The following G6PD variants were observed in gnomAD, a reference collection of about 807,000 sequenced individuals.
G6PD encodes the protein glucose-6-phosphate dehydrogenase.
In G6PD, 2 loss-of-function variants were observed where a neutral mutation model predicts 38.2. The observed-to-expected ratio is 0.05, with a 90% CI of 0.02 to 0.16. G6PD has a LOEUF of 0.16. Ranked by LOEUF, G6PD falls within the 10% of genes least tolerant of loss-of-function variation. The pLI is 1.00. For synonymous variants in G6PD, 188 were observed against 196.0 expected, an observed-to-expected ratio of 0.96 and a Z score of 0.34; for missense variants, 310 against 471.6, an observed-to-expected ratio of 0.66 and a Z score of 3.17.
chrX:154,533,331 C>G, intron 8 of G6PD: 1 of 501,449 alleles, frequency 2.0e-6, no homozygotes, highest in East Asian at 3.6e-5. Context: ...TTCTGATGAA[C>G]AAGCTGAGGC....
Position 154,532,719 on chromosome X carries a change from C to T in G6PD, c.1135G>A (p.Asp379Asn). Residue 379 changes from aspartate (D) to asparagine (N), a missense_variant, in exon 10 of 13, where the codon GAC (aspartate) becomes AAC (asparagine). Asp to Asn is a conservative substitution (Grantham distance 23, BLOSUM62 1). Around this residue, in one of 4 missense-constraint regions of G6PD, gnomAD observed 168 missense variants for 309.2 expected, o/e 0.54. Transcript: ENST00000393562. ...VRLQFHDVAG[D>N]IFHQQCKRNE... ...CGCTTGCACTGCTGGTGGAAGATGTCGCCGGCCACATCATGGAACTGCAGC... is the reference window on the plus strand; with the variant it reads ...CGCTTGCACTGCTGGTGGAAGATGTTGCCGGCCACATCATGGAACTGCAGC... The T allele has an allele frequency of 3.3e-6, 4 of 1,212,019 alleles. No individual in the cohort carries two copies. Among genetic ancestry groups the T allele is most frequent in the Non-Finnish European group, 4.5e-6 (4 of 895,494 alleles).
chrX:154,534,151 G>A lies in G6PD; in HGVS notation c.654C>T (p.Asn218=), dbSNP rs1557230228. Residue 218 remains asparagine, a synonymous_variant, in exon 7 of 13, where the codon AAC becomes AAT. Coordinates refer to ENST00000393562, the MANE Select transcript of G6PD (RefSeq NM_001360016.2). ...VQNLMVLRFA[N]RIFGPIWNRD... is the part of the protein sequence containing the mutation. ...GGTTCCAGATGGGGCCGAAGATCCT[G>A]TTGGCAAATCTGCAGGGAGGGGCAA... is the stretch of plus-strand genomic sequence containing the variant. 1.6e-6 allele frequency: 2 copies of A among 1,212,219 alleles called. No homozygotes were observed. The highest frequency in any genetic ancestry group is 2.2e-5 in the Admixed American group (1 of 46,117).
rs1279844136 is a variant in G6PD, at chrX:154,534,329, T to C, written c.644+9A>G. 8.3e-7 allele frequency: 1 copy of C among 1,209,224 alleles called. No individual in the cohort carries two copies. The highest frequency in any genetic ancestry group is 1.1e-6 in the Non-Finnish European group (1 of 894,696). The stretch of plus-strand genomic sequence containing the variant: ...CCACCCTGGTCCCCCGGCCCAGGCT[T>C]GGCCCCACCTCAGCACCATGAGGTT... On this transcript the variant is annotated intron_variant, in intron 6 of 12. Transcript: ENST00000393562.
intron 8 of G6PD, 62 bp from the exon 9 acceptor site, chrX:154,533,190 C>G: frequency 3.5e-6 from 4 of 1,134,220 alleles, no homozygotes; most frequent in Non-Finnish European, 4.8e-6. Flanking sequence ...GCAGGGATGA[C>G]TGTGGCCACA....
rs781829860 is a variant in G6PD, at chrX:154,532,208, G to A, written c.1437C>T (p.Pro479=). ...CTCACCTGCCATAAATATAGGGGAT[G>A]GGCTTGGGCTTCTCCAGCTCAATCT... The part of the protein sequence containing the change: ...LHQIELEKPK[P]IPYIYGSRGP... The change falls in exon 12 of 13, where the codon CCC becomes CCT. Residue 479 remains proline (P), a synonymous_variant. Transcript: ENST00000393562. 2.5e-6 allele frequency: 3 copies of A among 1,209,256 alleles called. No individual in the cohort carries two copies. The highest frequency in any genetic ancestry group is 5.9e-5 in the East Asian group (2 of 33,734).
At position 154,546,783 on chromosome X, in the gene G6PD, G is replaced by A. The variant is rs782232679; in HGVS notation, c.-9+6C>T. The A allele has an allele frequency of 1.9e-5, 22 of 1,156,157 alleles. No individual in the cohort carries two copies. Among genetic ancestry groups the A allele is most frequent in the Non-Finnish European group, 2.1e-5 (18 of 869,073 alleles). On this transcript the variant is annotated splice_donor_region_variant and intron_variant, in intron 1 of 12. Transcript: ENST00000393562. ...CCGCCTGCGCGGCGCCCGCCCGGCC[G>A]GTTACCTGCGCTTCGTCGTCGTCGC... is the stretch of plus-strand genomic sequence containing the variant.
At chrX:154,539,029 T>C (rs982645493) in intron 2 of G6PD, among the ~76,000 whole-genome samples, 20 of 111,234 alleles carry the variant, frequency 1.8e-4, no homozygotes, top group African/African-American at 4.9e-4. Flanking sequence ...ATATTAATCA[T>C]CCCTTTAAGC....
chrX:154,532,705 C>T lies in G6PD; in HGVS notation c.1149G>A (p.Gln383=). Residue 383 remains glutamine, a synonymous_variant, in exon 10 of 13, where the codon CAG becomes CAA. Transcript: ENST00000393562. The part of the protein sequence containing the change: ...FHDVAGDIFH[Q]QCKRNELVIR... ...TCACCAGCTCGTTGCGCTTGCACTG[C>T]TGGTGGAAGATGTCGCCGGCCACAT... 1.6e-6 allele frequency: 2 copies of T among 1,212,389 alleles called. No individual in the cohort carries two copies. The highest frequency in any genetic ancestry group is 3.0e-5 in the East Asian group (1 of 33,880).
intron 2 of G6PD, among the ~76,000 whole-genome samples, chrX:154,543,050 A>G (rs1445359776): frequency 1.8e-5 from 2 of 111,839 alleles, no homozygotes; most frequent in African/African-American, 6.5e-5. Flanking sequence ...TACCTCCCGC[A>G]CCGAGTGAGG....
rs781942836 is a variant in G6PD, at chrX:154,532,288, G to T, written c.1365-8C>A. 1.7e-6 allele frequency: 2 copies of T among 1,211,120 alleles called. No individual in the cohort carries two copies. The highest frequency in any genetic ancestry group is 1.8e-5 in the South Asian group (1 of 56,988). ...GCCTCACGGAGCTCGTCGCTGAGGG[G>T]ACATGGTATGGCTTGGGAGGCCGGT... On this transcript the variant is annotated splice_region_variant and splice_polypyrimidine_tract_variant and intron_variant, in intron 11 of 12. Transcript: ENST00000393562.
chrX:154,536,135 A>G lies in G6PD; in HGVS notation c.158+6T>C. 8.3e-7 allele frequency: 1 copy of G among 1,211,525 alleles called. No homozygotes were observed. The highest frequency in any genetic ancestry group is 1.8e-5 in the South Asian group (1 of 57,004). On this transcript the variant is annotated splice_donor_region_variant and intron_variant, in intron 3 of 12. Coordinates refer to ENST00000393562, the MANE Select transcript of G6PD (RefSeq NM_001360016.2). ...GGTCACAGGGGCAGTGGTGGGACAC[A>G]CTTACCAGATGGTGGGGTAGATCTT...
intron 7 of G6PD, 118 bp from the exon 8 acceptor site, chrX:154,533,787 C>T (rs782734720): frequency 8.5e-7 from 1 of 1,178,995 alleles, no homozygotes; most frequent in African/African-American, 1.8e-5. Context: ...ACTTCCTGAT[C>T]CCCCTTGTCT....
intron 1 of G6PD, 100 bp downstream of exon 1, chrX:154,546,689 C>T (rs1275305729): frequency 7.1e-6 from 5 of 708,345 alleles, no homozygotes; most frequent in Non-Finnish European, 8.3e-6. Flanking sequence ...CGATTCTGCT[C>T]GGTTCTCAAG....
chrX:154,533,871 G>C, intron 7 of G6PD, 164 bp downstream of exon 7: 11 of 1,198,271 alleles, frequency 9.2e-6, no homozygotes, highest in Non-Finnish European at 1.2e-5. Flanking sequence ...GTGCTTGGCT[G>C]TGTAGGGGTC....
rs781997386 is a variant in G6PD at position 154,533,146 on chromosome X, G to A, written c.865-18C>T. 5 of 1,204,006 alleles carry A rather than the reference G, an allele frequency of 4.2e-6. No individual in the cohort carries two copies. The East Asian group carries it at 1.2e-4, about 28-fold the overall frequency. On this transcript the variant is annotated intron_variant, in intron 8 of 12. Coordinates refer to ENST00000393562, the MANE Select transcript of G6PD (RefSeq NM_001360016.2). ...ACCTTGACCTGAGAGAAAGCCAAGG[G>A]AGAGAATGGGCTCCTTGGGTGTTGA...
intron 5 of G6PD, chrX:154,534,955 C>T: frequency 4.3e-6 from 2 of 460,576 alleles, no homozygotes; most frequent in Non-Finnish European, 7.6e-6. Context: ...CAGAGCAAGG[C>T]TGCCACCCTG....
chrX:154,535,256 G>C lies in G6PD; in HGVS notation c.397C>G (p.Gln133Glu). ...GCCAGGTAGAAGAGGCGGTTGGCCT[G>C]TGACCCCAGGTGGAGGGCATTCATG... ...SHMNALHLGS[Q>E]ANRLFYLALP... The change falls in exon 5 of 13, where the codon CAG becomes GAG. Residue 133 changes from glutamine (Q) to glutamate (E), a missense_variant. Physicochemically the swap from Gln to Glu is conservative, Grantham distance 29. Coordinates refer to ENST00000393562, the MANE Select transcript of G6PD (RefSeq NM_001360016.2). The C allele has an allele frequency of 4.1e-6, 5 of 1,212,051 alleles. No individual in the cohort carries two copies. The highest frequency in any genetic ancestry group is 5.6e-6 in the Non-Finnish European group (5 of 895,491).
At chrX:154,540,016 C>T (rs1311306420) in intron 2 of G6PD, among the ~76,000 whole-genome samples, 2 of 110,029 alleles carry the variant, frequency 1.8e-5, no homozygotes, top group Non-Finnish European at 1.9e-5. Flanking sequence ...CCACCGTGGC[C>T]GGCCCATGAC....
upstream of G6PD, chrX:154,547,563 C>T (rs1241552525): frequency 2.7e-6 from 2 of 754,084 alleles, no homozygotes; most frequent in African/African-American, 2.3e-5. Flanking sequence ...GCCGGCTTCC[C>T]GAGTTCTCGG....
Sources: gnomAD v4.1 joint callset for allele counts (sites outside exome capture counted in the v4.1 genomes callset) on GRCh38, gnomAD v4.1.1 for gene constraint, gnomAD v4.1.1 regional missense constraint, MANE v1.5 for transcripts, NCBI Gene and HGNC (gene_info 2026-07-23, HGNC 2026-07-21) for gene names.